Variants in DHDDS observed in about 807,000 individuals in gnomAD.
DHDDS encodes dehydrodolichyl diphosphate synthase complex subunit DHDDS.
DHDDS carries 16 observed loss-of-function variants against 46.2 expected under a neutral mutation model. The observed-to-expected ratio is 0.35, with a 90% CI of 0.23 to 0.53. DHDDS has a LOEUF of 0.53. Ranked by LOEUF, DHDDS falls within the 20% of genes least tolerant of loss-of-function variation. The pLI is 0.94. For synonymous variants in DHDDS, 151 were observed against 163.1 expected, an observed-to-expected ratio of 0.93 and a Z score of 0.56; for missense variants, 340 against 423.7, an observed-to-expected ratio of 0.80 and a Z score of 1.73.
intron 7 of DHDDS, 57 bp from the exon 8 acceptor site, chr1:26,459,980 A>C (rs950021597): frequency 7.1e-7 from 1 of 1,418,208 alleles, no homozygotes; most frequent in Non-Finnish European, 1.0e-6. Context: ...AGGACTGACC[A>C]GGGATGCGGC....
At chr1:26,441,280 A>G (rs1376705863) in intron 3 of DHDDS, among the ~76,000 whole-genome samples, 1 of 140,890 alleles carries the variant, frequency 7.1e-6, no homozygotes, top group Non-Finnish European at 1.5e-5. Flanking sequence ...CAGTGGTGAG[A>G]TCTCCACTCA....
At chr1:26,442,969 T>C in intron 4 of DHDDS, 96 bp downstream of exon 4, 1 of 1,587,930 alleles carries the variant, frequency 6.3e-7, no homozygotes, top group South Asian at 1.1e-5. Flanking sequence ...CTTAAGGGAC[T>C]TGCAACTCTT....
intron 1 of DHDDS, chr1:26,432,595 G>A (rs541405661): frequency 8.2e-5 from 29 of 351,548 alleles, no homozygotes; most frequent in African/African-American, 5.7e-4. Flanking sequence ...TGATCAAGAT[G>A]TGGGCACCAT....
rs10667472 is a variant in DHDDS at position 26,470,315 on chromosome 1, CTTTT to C, written c.*1198_*1201del. 3 of 132,854 alleles carry C rather than the reference CTTTT, an allele frequency of 2.3e-5. No individual in the cohort carries two copies. Among genetic ancestry groups the C allele is most frequent in the Non-Finnish European group, 3.2e-5 (2 of 63,090 alleles). The allele number at this position is 132,854 out of a possible 1,614,324, so 8.2% of individuals were successfully genotyped here. ...CTCTTTAAAGTCCATTTTCCTTCTT[CTTTT>C]TTTTTTTTTTTTTGGAGACAGCATC... is the stretch of plus-strand genomic sequence containing the variant. On this transcript the variant is annotated 3_prime_UTR_variant, in exon 9 of 9. Coordinates refer to ENST00000236342, the MANE Select transcript of DHDDS (RefSeq NM_205861.3).
In DHDDS at chr1:26,469,451, T is replaced by C. The variant is rs1459657199; in HGVS notation, c.*320T>C. ...TGCACTTTCTTTTTCCACCAGCACA[T>C]CCTTCAACACACAGAATTTCAGGGA... On this transcript the variant is annotated 3_prime_UTR_variant, in exon 9 of 9. Transcript: ENST00000236342. 4.4e-6 allele frequency: 2 copies of C among 458,530 alleles called. No individual in the cohort carries two copies. The highest frequency in any genetic ancestry group is 2.0e-5 in the African/African-American group (1 of 50,652). 28.4% of individuals were successfully genotyped at this position (458,530 alleles called of 1,614,324 possible). A position where few individuals can be genotyped will look rare whatever the true frequency, so the allele number is the denominator to read the frequency against.
intron 2 of DHDDS, among the ~76,000 whole-genome samples, chr1:26,436,053 T>C (rs2075151511): frequency 6.6e-6 from 1 of 151,024 alleles, no homozygotes; most frequent in Non-Finnish European, 1.5e-5. Flanking sequence ...CCTGGCCCTA[T>C]GAGTTCCTTT....
At chr1:26,446,707 T>G (rs538527781) in intron 5 of DHDDS, among the ~76,000 whole-genome samples, 84 of 150,386 alleles carry the variant, frequency 5.6e-4, no homozygotes, top group Non-Finnish European at 1.0e-3. Context: ...TGTGTGTGTG[T>G]GGGTGTGTTT....
intron 8 of DHDDS, among the ~76,000 whole-genome samples, chr1:26,465,097 C>T (rs1019525250): frequency 3.3e-5 from 5 of 152,076 alleles, no homozygotes; most frequent in African/African-American, 4.8e-5. Context: ...AGGGGGTGTG[C>T]GGCAGTGCAG....
chr1:26,449,343 TGTCTGC>T (rs1306356361), intron 6 of DHDDS, among the ~76,000 whole-genome samples: 1 of 151,888 alleles, frequency 6.6e-6, no homozygotes, highest in African/African-American at 2.4e-5. Context: ...TCAAGTGATC[TGTCTGC>T]CTCAGCCTCC....
At position 26,445,082 on chromosome 1, in the gene DHDDS, T is replaced by TG. The variant is rs538427491; in HGVS notation, c.324-1234_324-1233insG. Reference sequence around the variant, plus strand: ...ACTCCCTACGTGCAAATCCTGGTTCTCCATCAGCTGTCCAAACAAATTACC... The same window carrying TG: ...ACTCCCTACGTGCAAATCCTGGTTCTGCCATCAGCTGTCCAAACAAATTACC... On this transcript the variant is annotated intron_variant, in intron 4 of 8. Transcript: ENST00000236342. 5.5e-3 allele frequency among the ~76,000 whole-genome samples: 312 copies of TG among 56,586 alleles called. 1 individual carries two copies. The highest frequency in any genetic ancestry group is 6.5e-3 in the Admixed American group (25 of 3,868). The allele number at this position is 56,586 out of a possible 152,430, so 37.1% of individuals were successfully genotyped here.
At chr1:26,465,697 G>T (rs1388660093) in intron 8 of DHDDS, among the ~76,000 whole-genome samples, 2 of 152,168 alleles carry the variant, frequency 1.3e-5, no homozygotes, top group East Asian at 3.8e-4. Flanking sequence ...GGCCAATATT[G>T]TTCCCCACAT....
chr1:26,450,841 GTTCATTATA>G (rs1370639218), intron 6 of DHDDS, among the ~76,000 whole-genome samples: 2 of 152,254 alleles, frequency 1.3e-5, no homozygotes, highest in Non-Finnish European at 2.9e-5. Flanking sequence ...TACTTTCGTA[GTTCATTATA>G]TTTTTGTGCT....
At position 26,469,030 on chromosome 1, in the gene DHDDS, A is replaced by C; in HGVS notation, c.901A>C (p.Lys301Gln). The C allele has an allele frequency of 6.2e-7, 1 of 1,614,096 alleles. No individual in the cohort carries two copies. Among genetic ancestry groups the C allele is most frequent in the Non-Finnish European group, 8.5e-7 (1 of 1,180,040 alleles). The part of the protein sequence containing the change: ...DAQLRRTRLH[K>Q]LSARREERVQ... ...CCAGCTCCGAAGGACACGCTTGCAC[A>C]AACTCTCGGCCAGACGGGAAGAGCG... is the stretch of plus-strand genomic sequence containing the variant. Residue 301 changes from lysine to glutamine, a missense_variant, in exon 9 of 9, where the codon AAA becomes CAA. Transcript: ENST00000236342.
intron 4 of DHDDS, 133 bp downstream of exon 4, chr1:26,443,006 G>A (rs2075233869): frequency 6.8e-7 from 1 of 1,463,182 alleles, no homozygotes; most frequent in African/African-American, 1.4e-5. Flanking sequence ...TATCTTGGGT[G>A]GCAAATATCA....
intron 2 of DHDDS, among the ~76,000 whole-genome samples, chr1:26,436,669 C>T (rs557235302): frequency 6.6e-6 from 1 of 151,744 alleles, no homozygotes; most frequent in South Asian, 2.1e-4. Flanking sequence ...GTGATCTACC[C>T]GCCTCGGCCT....
intron 7 of DHDDS, among the ~76,000 whole-genome samples, chr1:26,458,512 C>G (rs750168155): frequency 6.6e-6 from 1 of 152,080 alleles, no homozygotes; most frequent in Non-Finnish European, 1.5e-5. Context: ...CTGAGGCAGG[C>G]AGATCACTTG....
At chr1:26,435,306 G>A (rs886295440) in intron 2 of DHDDS, among the ~76,000 whole-genome samples, 7 of 151,732 alleles carry the variant, frequency 4.6e-5, no homozygotes, top group Admixed American at 6.6e-5. Flanking sequence ...CACTGCGCCC[G>A]GCTGAAAAGC....
intron 2 of DHDDS, 72 bp downstream of exon 2, chr1:26,433,080 A>C: frequency 6.6e-7 from 1 of 1,518,260 alleles, no homozygotes; most frequent in South Asian, 1.1e-5. Flanking sequence ...CCTGTTATTA[A>C]AGTTGATGAT....
In DHDDS at chr1:26,469,346, A is replaced by G; in HGVS notation, c.*215A>G. 1.2e-6 allele frequency: 1 copy of G among 821,944 alleles called. No homozygotes were observed. The highest frequency in any genetic ancestry group is 1.9e-6 in the Non-Finnish European group (1 of 523,216). The allele number at this position is 821,944 out of a possible 1,614,324, so 50.9% of individuals were successfully genotyped here. A position where few individuals can be genotyped will look rare whatever the true frequency, so the allele number is the denominator to read the frequency against. The stretch of plus-strand genomic sequence containing the variant: ...GGATTGAGGGTGAAAGTCTCCCACG[A>G]GTACACTAAACCTAGGTCTGGTCAC... On this transcript the variant is annotated 3_prime_UTR_variant, in exon 9 of 9. Coordinates refer to ENST00000236342, the MANE Select transcript of DHDDS (RefSeq NM_205861.3).
Sources: allele counts gnomAD v4.1 joint callset (sites outside exome capture counted in the v4.1 genomes callset), GRCh38; gene constraint gnomAD v4.1.1; transcripts MANE v1.5; gene names NCBI Gene and HGNC (gene_info 2026-07-23, HGNC 2026-07-21).